The following PRIM2 variants were observed in gnomAD, a reference collection of about 807,000 sequenced individuals.
PRIM2 encodes the protein DNA primase subunit 2.
In PRIM2, 39 loss-of-function variants were observed where a neutral mutation model predicts 67.3. The ratio of observed to expected loss-of-function variants is 0.58; its 90% CI spans 0.45 to 0.76. The LOEUF (loss-of-function observed/expected upper bound fraction) is 0.76. Among genes scored for constraint, PRIM2 ranks in the 30% least tolerant of loss-of-function variants. The pLI, the probability that PRIM2 is intolerant of heterozygous loss-of-function variation, is 0.00. For missense variants in PRIM2, 398 were observed against 598.7 expected (o/e 0.66, Z 3.50); for synonymous variants, 143 against 198.7 (o/e 0.72, Z 2.36).
chr6:57,405,816 T>A (rs4715676), intron 7 of PRIM2, among the ~76,000 whole-genome samples: 2 of 149,304 alleles, frequency 1.3e-5, no homozygotes, highest in African/African-American at 2.5e-5. Flanking sequence ...GCCAACAGAT[T>A]AAATTGAGAA....
intron 5 of PRIM2, among the ~76,000 whole-genome samples, chr6:57,377,115 C>G (rs1581842882): frequency 6.6e-6 from 1 of 151,366 alleles, no homozygotes; most frequent in Non-Finnish European, 1.5e-5. Context: ...GTCTCAAACT[C>G]CTGACCTCAT....
the PRIM2 span, among the ~76,000 whole-genome samples, chr6:57,261,360 G>A: frequency 1.2e-4 from 19 of 152,300 alleles, no homozygotes; most frequent in South Asian, 3.5e-3. Context: ...AGAGATGGCC[G>A]CTGCCAGAGA....
the PRIM2 span, among the ~76,000 whole-genome samples, chr6:57,230,638 A>G: frequency 1.3e-5 from 2 of 152,194 alleles, no homozygotes; most frequent in Non-Finnish European, 2.9e-5. Context: ...AAGATACCCA[A>G]TGTCAGTCTT....
chr6:57,325,109 G>A (rs1390465203), intron 4 of PRIM2, among the ~76,000 whole-genome samples: 1 of 151,796 alleles, frequency 6.6e-6, no homozygotes, highest in Non-Finnish European at 1.5e-5. Context: ...TAAATATTGT[G>A]GTATATATGT....
At chr6:57,553,586 C>CT (rs1364369743) in intron 10 of PRIM2, among the ~76,000 whole-genome samples, 24 of 151,346 alleles carry the variant, frequency 1.6e-4, no homozygotes, top group African/African-American at 2.9e-4. Context: ...AAGGTGGACT[C>CT]TTTTTTTTGC....
At chr6:57,374,058 A>G (rs1254012460) in intron 5 of PRIM2, among the ~76,000 whole-genome samples, 6 of 152,016 alleles carry the variant, frequency 3.9e-5, no homozygotes, top group African/African-American at 1.5e-4. Flanking sequence ...TTTTCATGAT[A>G]CTGATTCTTT....
chr6:57,335,788 G>A (rs9464436), intron 5 of PRIM2, among the ~76,000 whole-genome samples: 19,168 of 151,268 alleles, frequency 0.13, 1,347 homozygotes, highest in African/African-American at 0.18. Flanking sequence ...TGGAAACTCT[G>A]AAAAGCAGAG....
chr6:57,616,064 G>C (rs1180830508), intron 12 of PRIM2, among the ~76,000 whole-genome samples: 1 of 152,122 alleles, frequency 6.6e-6, no homozygotes, highest in African/African-American at 2.4e-5. Flanking sequence ...CCACAATGAA[G>C]TTAACATCTT....
At chr6:57,629,321 G>C (rs1482469276) in intron 12 of PRIM2, among the ~76,000 whole-genome samples, 1 of 152,126 alleles carries the variant, frequency 6.6e-6, no homozygotes, top group East Asian at 1.9e-4. Flanking sequence ...GAAAATATCT[G>C]TTTGTTAATC....
chr6:57,620,079 C>G (rs1189601404), intron 12 of PRIM2, among the ~76,000 whole-genome samples: 1 of 152,008 alleles, frequency 6.6e-6, no homozygotes, highest in Non-Finnish European at 1.5e-5. Context: ...AACTGTAGTC[C>G]CAGCTACTTG....
intron 5 of PRIM2, among the ~76,000 whole-genome samples, chr6:57,333,095 T>C (rs1768110916): frequency 6.6e-6 from 1 of 152,180 alleles, no homozygotes; most frequent in African/African-American, 2.4e-5. Flanking sequence ...AACAATCTAG[T>C]TGGGATTAGC....
Position 57,646,382 on chromosome 6 carries a change from T to G in PRIM2, c.*224T>G. The stretch of plus-strand genomic sequence containing the variant: ...TCATATCCAGATAATTTTTTTCAAT[T>G]TTTTTTTGTAGAGGTGGGGGGTCTC... On this transcript the variant is annotated 3_prime_UTR_variant, in exon 14 of 14. Coordinates refer to ENST00000615550, the MANE Select transcript of PRIM2 (RefSeq NM_000947.5). The G allele has an allele frequency of 2.1e-6, 1 of 485,540 alleles. No homozygotes were observed. Among genetic ancestry groups the G allele is most frequent in the Non-Finnish European group, 3.7e-6 (1 of 273,802 alleles). The allele number at this position is 485,540 out of a possible 1,614,324, so 30.1% of individuals were successfully genotyped here. A position where few individuals can be genotyped will look rare whatever the true frequency, so the allele number is the denominator to read the frequency against.
chr6:57,602,866 G>A (rs1480176828), intron 11 of PRIM2, among the ~76,000 whole-genome samples: 1 of 152,126 alleles, frequency 6.6e-6, no homozygotes, highest in Non-Finnish European at 1.5e-5. Flanking sequence ...TTTTAGAGTT[G>A]TTTTAGGTTC....
the PRIM2 span, among the ~76,000 whole-genome samples, chr6:57,292,726 C>A: frequency 6.6e-6 from 1 of 152,148 alleles, no homozygotes; most frequent in Non-Finnish European, 1.5e-5. Context: ...CTGACAAAAA[C>A]AAGCAATGGG....
intron 12 of PRIM2, among the ~76,000 whole-genome samples, chr6:57,628,549 G>A (rs1269571125): frequency 2.0e-5 from 3 of 152,140 alleles, no homozygotes; most frequent in African/African-American, 7.2e-5. Flanking sequence ...ATATGGGTAT[G>A]TTGCATGATG....
intron 10 of PRIM2, among the ~76,000 whole-genome samples, chr6:57,571,239 A>AT (rs1464723525): frequency 6.6e-6 from 1 of 152,284 alleles, no homozygotes; most frequent in Non-Finnish European, 1.5e-5. Flanking sequence ...TAGAAATGGC[A>AT]TATCTTCTTT....
chr6:57,386,027 G>A (rs1249081153), intron 7 of PRIM2, among the ~76,000 whole-genome samples: 1 of 151,862 alleles, frequency 6.6e-6, no homozygotes, highest in Admixed American at 6.6e-5. Flanking sequence ...ATGTGTTTAG[G>A]AATGGAATTG....
intron 5 of PRIM2, among the ~76,000 whole-genome samples, chr6:57,350,129 A>T (rs1768813422): frequency 6.6e-6 from 1 of 152,122 alleles, no homozygotes. Context: ...ATTAAGACTG[A>T]TTGTCTGTTT....
intron 7 of PRIM2, among the ~76,000 whole-genome samples, chr6:57,400,102 T>C (rs1770654613): frequency 6.6e-6 from 1 of 152,304 alleles, no homozygotes; most frequent in Non-Finnish European, 1.5e-5. Context: ...TCCATTTACA[T>C]TAAATGTTTG....
Sources: gnomAD v4.1 joint callset for allele counts (sites outside exome capture counted in the v4.1 genomes callset) on GRCh38, gnomAD v4.1.1 for gene constraint, MANE v1.5 for transcripts, NCBI Gene and HGNC (gene_info 2026-07-23, HGNC 2026-07-21) for gene names.